The following LHFPL5 variants were observed in gnomAD, a reference collection of about 807,000 sequenced individuals.
LHFPL5 encodes LHFPL tetraspan subfamily member 5, also known as LHFPL tetraspan subfamily member 5 protein.
In LHFPL5, 12 loss-of-function variants were observed where a neutral mutation model predicts 18.7. That is an observed-to-expected ratio of 0.64 (90% CI 0.41 to 1.04). The LOEUF (loss-of-function observed/expected upper bound fraction) is 1.04. LHFPL5 is among the 50% of genes least tolerant of loss of function. The pLI is 0.00. For synonymous variants in LHFPL5, 111 were observed against 120.2 expected (o/e 0.92, Z 0.50); for missense variants, 259 against 292.1 (o/e 0.89, Z 0.83).
intron 1 of LHFPL5, among the ~76,000 whole-genome samples, chr6:35,806,795 A>C (rs1002988572): frequency 6.6e-6 from 1 of 152,054 alleles, no homozygotes; most frequent in Non-Finnish European, 1.5e-5. Context: ...GAGGTAGAGG[A>C]AGCTATTTAG....
At chr6:35,816,554 G>A (rs764864523) in intron 2 of LHFPL5, among the ~76,000 whole-genome samples, 3 of 152,052 alleles carry the variant, frequency 2.0e-5, no homozygotes, top group African/African-American at 4.8e-5. Context: ...GCTTATGCCT[G>A]TAACCCCAGC....
At chr6:35,817,184 G>T (rs935821179) in intron 2 of LHFPL5, among the ~76,000 whole-genome samples, 4 of 152,106 alleles carry the variant, frequency 2.6e-5, no homozygotes, top group Non-Finnish European at 4.4e-5. Flanking sequence ...AGCTGGGTGT[G>T]GTGGTGGGCA....
intron 1 of LHFPL5, 93 bp downstream of exon 1, chr6:35,806,175 T>A: frequency 7.3e-7 from 1 of 1,374,668 alleles, no homozygotes; most frequent in Non-Finnish European, 1.0e-6. Context: ...CTCTGGGCCT[T>A]AAATTTAGCT....
chr6:35,819,575 T>A, intron 3 of LHFPL5, 112 bp downstream of exon 3: 1 of 1,021,864 alleles, frequency 9.8e-7, no homozygotes, highest in Non-Finnish European at 1.5e-6. Flanking sequence ...TGTAAGGCTG[T>A]GATGCTGCTT....
At position 35,823,386 on chromosome 6, in the gene LHFPL5, T is replaced by TACACACACAC. The variant is rs1352576898; in HGVS notation, c.*422_*423insCACACACACA. On this transcript the variant is annotated 3_prime_UTR_variant, in exon 4 of 4. Transcript: ENST00000360215. ...CTGATAGCATACACACACACATATA[T>TACACACACAC]ATACACACACACACACACACACACA... 2 of 51,606 alleles carry TACACACACAC rather than the reference T, an allele frequency of 3.9e-5. No individual in the cohort carries two copies. Among genetic ancestry groups the TACACACACAC allele is most frequent in the African/African-American group, 7.7e-5 (1 of 13,060 alleles). The allele number at this position is 51,606 out of a possible 1,614,324, so 3.2% of individuals were successfully genotyped here. A position where few individuals can be genotyped will look rare whatever the true frequency, so the allele number is the denominator to read the frequency against.
chr6:35,821,011 AATGCAGAT>A (rs1208555543), intron 3 of LHFPL5, among the ~76,000 whole-genome samples: 5 of 152,170 alleles, frequency 3.3e-5, no homozygotes, highest in African/African-American at 1.2e-4. Flanking sequence ...ATCTTGTTAA[AATGCAGAT>A]TCTGCTGGGT....
chr6:35,814,770 G>A lies in LHFPL5; in HGVS notation c.637G>A (p.Ala213Thr), dbSNP rs1284817730. Residue 213 changes from alanine to threonine, a missense_variant, in exon 2 of 4, where the codon GCA becomes ACA. Ala to Thr is a moderately conservative substitution (Grantham distance 58). Coordinates refer to ENST00000360215, the MANE Select transcript of LHFPL5 (RefSeq NM_182548.4). This position sits in a 1 kb window ranked among gnomAD's most constrained non-coding sequence, Gnocchi z 4.2. The part of the protein sequence containing the change: ...QDKLLPDDYK[A>T]DGTEEV ...CAAGCTCCTCCCTGACGACTACAAG[G>A]CAGATGGAACCGGTAATCACCCAAC... The A allele has an allele frequency of 1.2e-6, 2 of 1,613,992 alleles. 1 individual carries two copies. The highest frequency in any genetic ancestry group is 2.2e-5 in the South Asian group (2 of 91,078).
At chr6:35,808,564 C>CAT (rs56343421) in intron 1 of LHFPL5, among the ~76,000 whole-genome samples, 6,791 of 86,496 alleles carry the variant, frequency 0.079, 345 homozygotes, top group East Asian at 0.14. Context: ...TCATTTTATA[C>CAT]ATATATATAT....
chr6:35,815,957 GTCA>G (rs1429201602), intron 2 of LHFPL5, among the ~76,000 whole-genome samples: 1 of 152,128 alleles, frequency 6.6e-6, no homozygotes, highest in Non-Finnish European at 1.5e-5. Context: ...GGATCATGAG[GTCA>G]AGAGATCAAG....
At chr6:35,807,368 C>T (rs1768588949) in intron 1 of LHFPL5, among the ~76,000 whole-genome samples, 4 of 152,170 alleles carry the variant, frequency 2.6e-5, no homozygotes. Flanking sequence ...CTGCTTCTAG[C>T]TCAGGAAGGC....
intron 1 of LHFPL5, among the ~76,000 whole-genome samples, chr6:35,813,389 C>T (rs748922120): frequency 1.5e-4 from 23 of 151,644 alleles, no homozygotes; most frequent in Non-Finnish European, 2.9e-4. Context: ...GGACTACAGG[C>T]GCCCACCATC....
intron 1 of LHFPL5, among the ~76,000 whole-genome samples, chr6:35,810,480 G>T (rs1768645822): frequency 6.6e-6 from 1 of 152,104 alleles, no homozygotes; most frequent in South Asian, 2.1e-4. Flanking sequence ...ATTTTGGGAG[G>T]CCGAGGTGGG....
chr6:35,819,639 C>T, intron 3 of LHFPL5, 176 bp downstream of exon 3: 1 of 666,474 alleles, frequency 1.5e-6, no homozygotes, highest in Non-Finnish European at 2.7e-6. Flanking sequence ...CCTCTGAGAC[C>T]CTCACTGGGG....
intron 1 of LHFPL5, among the ~76,000 whole-genome samples, chr6:35,811,058 G>C (rs1000643425): frequency 6.6e-6 from 1 of 152,068 alleles, no homozygotes; most frequent in Non-Finnish European, 1.5e-5. Flanking sequence ...AGCTGTCCTC[G>C]CATCAGAGGG....
At chr6:35,813,856 G>A (rs969512231) in intron 1 of LHFPL5, among the ~76,000 whole-genome samples, 1 of 145,872 alleles carries the variant, frequency 6.9e-6, no homozygotes, top group Admixed American at 7.0e-5. Context: ...GAGTGCAATG[G>A]TGTGATCTCA....
In LHFPL5 at chr6:35,806,153, C is replaced by T; in HGVS notation, c.412+71C>T. ...CACAGCTGCAGCTGCACCATCCCAGCCTCTGCCAGGGCTCTGGGCCTTAAA... is the reference window on the plus strand; with the variant it reads ...CACAGCTGCAGCTGCACCATCCCAGTCTCTGCCAGGGCTCTGGGCCTTAAA... On this transcript the variant is annotated intron_variant, in intron 1 of 3. Transcript: ENST00000360215. 1.9e-6 allele frequency: 3 copies of T among 1,541,492 alleles called. 1 individual carries two copies. The South Asian group carries it at 3.4e-5, about 18-fold the overall frequency.
At chr6:35,820,426 C>T (rs535362549) in intron 3 of LHFPL5, among the ~76,000 whole-genome samples, 27 of 152,202 alleles carry the variant, frequency 1.8e-4, no homozygotes, top group Admixed American at 8.5e-4. Context: ...GAGGACCGGG[C>T]GCGGTGACTC....
intron 1 of LHFPL5, among the ~76,000 whole-genome samples, chr6:35,807,225 G>A (rs978116186): frequency 1.3e-4 from 19 of 151,856 alleles, no homozygotes; most frequent in African/African-American, 4.6e-4. Context: ...AGGAGTTTGA[G>A]ACTAGACTGG....
intron 3 of LHFPL5, among the ~76,000 whole-genome samples, chr6:35,821,907 TC>T (rs1348154066): frequency 1.5e-4 from 20 of 134,178 alleles, no homozygotes; most frequent in Middle Eastern, 7.3e-3. Flanking sequence ...AGGGTCTTGC[TC>T]TGTTGCCTAG....
Sources: allele counts gnomAD v4.1 joint callset (sites outside exome capture counted in the v4.1 genomes callset), GRCh38; gene constraint gnomAD v4.1.1; non-coding constraint Gnocchi (gnomAD v3.1); transcripts MANE v1.5; gene names NCBI Gene and HGNC (gene_info 2026-07-23, HGNC 2026-07-21).